RNF122: variants seen among roughly 807,000 people sequenced by gnomAD.
The protein encoded by RNF122 is ring finger protein 122.
RNF122 carries 17 observed loss-of-function variants against 24.2 expected under a neutral mutation model. That is an observed-to-expected ratio of 0.70 (90% CI 0.48 to 1.06). RNF122 has a LOEUF of 1.06. RNF122 is among the 50% of genes least tolerant of loss of function. The pLI, the probability that RNF122 is intolerant of heterozygous loss-of-function variation, is 0.00. For missense variants in RNF122, 168 were observed against 198.1 expected (o/e 0.85, Z 0.91); for synonymous variants, 65 against 71.8 (o/e 0.91, Z 0.48).
At chr8:33,556,002 T>G (rs1373320033) in intron 2 of RNF122, among the ~76,000 whole-genome samples, 1 of 151,560 alleles carries the variant, frequency 6.6e-6, no homozygotes, top group Non-Finnish European at 1.5e-5. Context: ...ACCTCATCGC[T>G]ACAAAAAATA....
intron 1 of RNF122, among the ~76,000 whole-genome samples, chr8:33,560,000 C>T (rs1012187139): frequency 6.6e-6 from 1 of 152,044 alleles, no homozygotes; most frequent in South Asian, 2.1e-4. Context: ...CGCCACCATG[C>T]CCGGCTAATT....
chr8:33,548,719 A>G lies in RNF122; in HGVS notation c.*34T>C. The G allele has an allele frequency of 7.5e-7, 1 of 1,334,878 alleles. No homozygotes were observed. The highest frequency in any genetic ancestry group is 1.1e-6 in the Non-Finnish European group (1 of 925,740). The allele number at this position is 1,334,878 out of a possible 1,614,324, so 82.7% of individuals were successfully genotyped here. A position where few individuals can be genotyped will look rare whatever the true frequency, so the allele number is the denominator to read the frequency against. ...AGGGACCAGACATCCATGAGGCAAGAGGTCTTCTCCAGGTCTCGGTGTAGC... is the reference window on the plus strand; with the variant it reads ...AGGGACCAGACATCCATGAGGCAAGGGGTCTTCTCCAGGTCTCGGTGTAGC... On this transcript the variant is annotated 3_prime_UTR_variant, in exon 6 of 6. Coordinates refer to ENST00000256257, the MANE Select transcript of RNF122 (RefSeq NM_024787.3).
At position 33,548,790 on chromosome 8, in the gene RNF122, G is replaced by A. The variant is rs374015683; in HGVS notation, c.431C>T (p.Thr144Met). 1.8e-5 allele frequency: 29 copies of A among 1,613,826 alleles called. No homozygotes were observed. The highest frequency in any genetic ancestry group is 1.6e-4 in the Middle Eastern group (1 of 6,062). The change falls in exon 6 of 6, where the codon ACG becomes ATG. Residue 144 changes from threonine to methionine, a missense_variant. Physicochemically the swap from Thr to Met is moderately conservative, Grantham distance 81 (BLOSUM62 -1). Coordinates refer to ENST00000256257, the MANE Select transcript of RNF122 (RefSeq NM_024787.3). ...ATCCAATAGAATCCCAATGTTCTGC[G>A]TGGCCTCTGAGGGACTAGCAATGGG... The part of the protein sequence containing the change: ...NKPIASPSEA[T>M]QNIGILLDEL...
At chr8:33,559,279 C>T (rs1013624429) in intron 1 of RNF122, among the ~76,000 whole-genome samples, 6 of 151,586 alleles carry the variant, frequency 4.0e-5, no homozygotes, top group African/African-American at 1.5e-4. Flanking sequence ...GCACACCAGC[C>T]TGGGTGACAG....
intron 1 of RNF122, among the ~76,000 whole-genome samples, chr8:33,561,951 C>T (rs1810545944): frequency 6.6e-6 from 1 of 152,138 alleles, no homozygotes; most frequent in African/African-American, 2.4e-5. Flanking sequence ...TAAAAGTTCT[C>T]CAATACTACT....
intron 2 of RNF122, among the ~76,000 whole-genome samples, chr8:33,557,340 C>T (rs1329344342): frequency 6.6e-6 from 1 of 152,134 alleles, no homozygotes; most frequent in Admixed American, 6.6e-5. Flanking sequence ...TAGAAAACAG[C>T]CACCAGAGGC....
chr8:33,553,640 G>A (rs1226962191), intron 2 of RNF122, among the ~76,000 whole-genome samples: 2 of 152,154 alleles, frequency 1.3e-5, no homozygotes, highest in Non-Finnish European at 2.9e-5. Context: ...ACTGACCCAA[G>A]TCAATAAAAG....
At chr8:33,557,135 C>T (rs964663835) in intron 2 of RNF122, among the ~76,000 whole-genome samples, 1 of 152,148 alleles carries the variant, frequency 6.6e-6, no homozygotes, top group African/African-American at 2.4e-5. Context: ...GTGTGGGTGG[C>T]GGGGGAGACA....
chr8:33,560,929 T>TAAAAAC (rs551858043), intron 1 of RNF122, among the ~76,000 whole-genome samples: 102 of 151,960 alleles, frequency 6.7e-4, no homozygotes, highest in African/African-American at 2.0e-3. Flanking sequence ...AGACTCCATC[T>TAAAAAC]AAAAACAAAA....
intron 5 of RNF122, 28 bp downstream of exon 5, chr8:33,549,382 C>T (rs372397471): frequency 2.7e-4 from 426 of 1,582,164 alleles, no homozygotes; most frequent in Non-Finnish European, 3.4e-4. Flanking sequence ...TCTCCTTCGA[C>T]GGGCACCCTG....
chr8:33,552,679 T>C (rs1473497931), intron 2 of RNF122, among the ~76,000 whole-genome samples: 1 of 152,196 alleles, frequency 6.6e-6, no homozygotes, highest in Admixed American at 6.5e-5. Flanking sequence ...GAGACCATAA[T>C]TATACACTGG....
intron 1 of RNF122, among the ~76,000 whole-genome samples, chr8:33,562,537 T>TG (rs1261004900): frequency 1.4e-5 from 1 of 70,622 alleles, no homozygotes; most frequent in African/African-American, 9.5e-5. Flanking sequence ...AGACCTTGTC[T>TG]CAAAAAAAAA....
At chr8:33,555,947 G>A (rs974083815) in intron 2 of RNF122, among the ~76,000 whole-genome samples, 2 of 152,078 alleles carry the variant, frequency 1.3e-5, no homozygotes, top group African/African-American at 4.8e-5. Context: ...GCAGGCAGAT[G>A]GCTTGAACTC....
intron 1 of RNF122, 65 bp downstream of exon 1, chr8:33,566,634 C>T (rs2128841274): frequency 2.0e-6 from 3 of 1,528,716 alleles, no homozygotes; most frequent in South Asian, 2.4e-5. Context: ...GCTGTCCGAC[C>T]TCGCACCCCG....
At chr8:33,558,039 A>T (rs558578680) in intron 2 of RNF122, among the ~76,000 whole-genome samples, 3 of 152,120 alleles carry the variant, frequency 2.0e-5, no homozygotes, top group Non-Finnish European at 4.4e-5. Flanking sequence ...GCTACTTGGG[A>T]GACTGAGGCA....
chr8:33,551,803 T>C (rs1810380232), intron 2 of RNF122, among the ~76,000 whole-genome samples: 1 of 152,180 alleles, frequency 6.6e-6, no homozygotes. Context: ...GCAGAATAAG[T>C]CTCTGTTGAC....
chr8:33,562,598 G>T (rs1354043077), intron 1 of RNF122, among the ~76,000 whole-genome samples: 1 of 150,518 alleles, frequency 6.6e-6, no homozygotes, highest in Non-Finnish European at 1.5e-5. Flanking sequence ...TTACCACATA[G>T]GAAAAAAAGA....
At chr8:33,559,967 G>T (rs536923616) in intron 1 of RNF122, among the ~76,000 whole-genome samples, 1 of 150,766 alleles carries the variant, frequency 6.6e-6, no homozygotes, top group Non-Finnish European at 1.5e-5. Context: ...TCAGCCTCCC[G>T]AGTAGCTGGG....
At chr8:33,555,187 T>A (rs1810433586) in intron 2 of RNF122, among the ~76,000 whole-genome samples, 1 of 122,412 alleles carries the variant, frequency 8.2e-6, no homozygotes, top group African/African-American at 6.2e-5. Context: ...GTTTTTTGTG[T>A]TTTTTTGGGT....
Sources: allele counts gnomAD v4.1 joint callset (sites outside exome capture counted in the v4.1 genomes callset), GRCh38; gene constraint gnomAD v4.1.1; transcripts MANE v1.5; gene names NCBI Gene and HGNC (gene_info 2026-07-23, HGNC 2026-07-21).